The following NEMP2 variants were observed in gnomAD, a reference collection of about 807,000 sequenced individuals.
The protein encoded by NEMP2 is UPF0571 transmembrane protein.
Under a neutral mutation model 54.2 loss-of-function variants are expected in NEMP2, and 53 were observed. That is an observed-to-expected ratio of 0.98 (90% CI 0.78 to 1.23). The LOEUF (loss-of-function observed/expected upper bound fraction) is 1.23. Among genes scored for constraint, NEMP2 ranks in the 50% most tolerant of loss-of-function variants. NEMP2 has a pLI of 0.00. For missense variants in NEMP2, 455 were observed against 511.3 expected (o/e 0.89, Z 1.06); for synonymous variants, 197 against 190.3 (o/e 1.04, Z -0.29).
At chr2:190,496,218 C>A in the NEMP2 span, among the ~76,000 whole-genome samples, 8 of 151,262 alleles carry the variant, frequency 5.3e-5, no homozygotes, top group Admixed American at 2.0e-4. This position sits in a 1 kb window ranked among gnomAD's most constrained non-coding sequence, Gnocchi z 4.7. Flanking sequence ...AAATGGCCAA[C>A]AAACATGAAA....
the NEMP2 span, among the ~76,000 whole-genome samples, chr2:190,474,755 C>T: frequency 6.6e-6 from 1 of 152,150 alleles, no homozygotes; most frequent in Non-Finnish European, 1.5e-5. Context: ...CTGGCACAGA[C>T]ACAACCAAAA....
chr2:190,462,235 T>C, the NEMP2 span, among the ~76,000 whole-genome samples: 1 of 152,124 alleles, frequency 6.6e-6, no homozygotes, highest in Non-Finnish European at 1.5e-5. This position sits in a 1 kb window ranked among gnomAD's most constrained non-coding sequence, Gnocchi z 5.7. Context: ...TAACCATTGT[T>C]TTAAGAGATT....
chr2:190,471,481 C>T, the NEMP2 span, among the ~76,000 whole-genome samples: 1 of 152,202 alleles, frequency 6.6e-6, no homozygotes, highest in African/African-American at 2.4e-5. The surrounding 1 kb of genome is among the most constrained non-coding windows in gnomAD (Gnocchi z 4.7). Flanking sequence ...GCCCACGGAG[C>T]CTCCCTCATT....
At chr2:190,440,533 A>G in the NEMP2 span, among the ~76,000 whole-genome samples, 3 of 152,376 alleles carry the variant, frequency 2.0e-5, no homozygotes, top group Middle Eastern at 3.4e-3. Flanking sequence ...GTATCTTCAC[A>G]TTGCTTAACA....
chr2:190,462,219 A>G, the NEMP2 span, among the ~76,000 whole-genome samples: 1 of 152,176 alleles, frequency 6.6e-6, no homozygotes, highest in African/African-American at 2.4e-5. This position sits in a 1 kb window ranked among gnomAD's most constrained non-coding sequence, Gnocchi z 5.7. Context: ...AGAAATGGGA[A>G]CAGAATAACC....
At chr2:190,641,469 GAA>G in the NEMP2 span, 1 of 152,348 alleles carries the variant, frequency 6.6e-6, no homozygotes, top group East Asian at 1.9e-4. Flanking sequence ...AGACCTAGAG[GAA>G]GAGAGAAGCC....
chr2:190,633,853 C>T, the NEMP2 span, among the ~76,000 whole-genome samples: 46 of 152,206 alleles, frequency 3.0e-4, 1 homozygote, highest in South Asian at 7.1e-3. Context: ...GGAGGATCAC[C>T]TGAGGCCTGG....
chr2:190,597,758 T>C, the NEMP2 span, among the ~76,000 whole-genome samples: 8 of 152,240 alleles, frequency 5.3e-5, no homozygotes, highest in East Asian at 1.5e-3. This position sits in a 1 kb window ranked among gnomAD's most constrained non-coding sequence, Gnocchi z 4.7. Context: ...TCAGAACTTT[T>C]ATTTGAGGAG....
downstream of NEMP2, chr2:190,500,190 A>AG (rs758344580): frequency 6.2e-6 from 10 of 1,614,180 alleles, no homozygotes; most frequent in African/African-American, 4.0e-5. The surrounding 1 kb of genome is among the most constrained non-coding windows in gnomAD (Gnocchi z 5.3). Flanking sequence ...GAAGAGCAGC[A>AG]GGCTCAGCTG....
chr2:190,493,882 T>A, the NEMP2 span, among the ~76,000 whole-genome samples: 2 of 152,030 alleles, frequency 1.3e-5, no homozygotes, highest in African/African-American at 4.8e-5. Flanking sequence ...AGGGGAAAGG[T>A]CATAGCCTAA....
chr2:190,638,914 C>T, the NEMP2 span, among the ~76,000 whole-genome samples: 1 of 152,128 alleles, frequency 6.6e-6, no homozygotes, highest in Non-Finnish European at 1.5e-5. This position sits in a 1 kb window ranked among gnomAD's most constrained non-coding sequence, Gnocchi z 5.7. Context: ...AAACAAGGAC[C>T]GGAACAAACA....
At chr2:190,562,651 G>A in the NEMP2 span, among the ~76,000 whole-genome samples, 2 of 152,258 alleles carry the variant, frequency 1.3e-5, no homozygotes, top group East Asian at 3.9e-4. This position sits in a 1 kb window ranked among gnomAD's most constrained non-coding sequence, Gnocchi z 5.0. Context: ...ATGGGAAGAT[G>A]GTCTCTATGA....
the NEMP2 span, chr2:190,465,019 G>A: frequency 9.8e-6 from 6 of 610,034 alleles, no homozygotes; most frequent in Non-Finnish European, 1.2e-5. The surrounding 1 kb of genome is among the most constrained non-coding windows in gnomAD (Gnocchi z 4.6). Context: ...ATAATTCATT[G>A]TATCTATATC....
At chr2:190,643,856 T>C in the NEMP2 span, among the ~76,000 whole-genome samples, 1 of 151,964 alleles carries the variant, frequency 6.6e-6, no homozygotes, top group African/African-American at 2.4e-5. Flanking sequence ...GCCTGGGAGG[T>C]TGAGGCTGCA....
rs2125300431 is a variant in NEMP2, at chr2:190,508,705, G to GA, written c.*483dup. The GA allele has an allele frequency of 6.5e-6, 1 of 154,092 alleles. No individual in the cohort carries two copies. Among genetic ancestry groups the GA allele is most frequent in the African/African-American group, 2.4e-5 (1 of 41,548 alleles). The allele number at this position is 154,092 out of a possible 1,614,324, so 9.5% of individuals were successfully genotyped here. On this transcript the variant is annotated 3_prime_UTR_variant, in exon 9 of 9. Coordinates refer to ENST00000409150, the MANE Select transcript of NEMP2 (RefSeq NM_001142645.2). The surrounding 1 kb of genome is among the most constrained non-coding windows in gnomAD (Gnocchi z 4.3). ...TAGTTGACCTCAGAATACCTTTATT[G>GA]ACCAACACTTGGTAGTAGCCTGTGA... is the stretch of plus-strand genomic sequence containing the variant.
chr2:190,523,493 C>T lies in NEMP2; in HGVS notation c.213+1770G>A, dbSNP rs907747985. Among the ~76,000 whole-genome samples, 3 of 152,100 alleles carry T rather than the reference C, an allele frequency of 2.0e-5. No homozygotes were observed. Among genetic ancestry groups the T allele is most frequent in the Non-Finnish European group, 2.9e-5 (2 of 68,024 alleles). On this transcript the variant is annotated intron_variant, in intron 2 of 8. Coordinates refer to ENST00000409150, the MANE Select transcript of NEMP2 (RefSeq NM_001142645.2). The surrounding 1 kb of genome is among the most constrained non-coding windows in gnomAD (Gnocchi z 5.3). The stretch of plus-strand genomic sequence containing the variant: ...GTGGTATTGGAGATCTCAGAACTCA[C>T]GGTTTCTAATAGGTAGATATAGATG...
chr2:190,526,178 T>C (rs1218491735), intron 1 of NEMP2, among the ~76,000 whole-genome samples: 1 of 152,134 alleles, frequency 6.6e-6, no homozygotes, highest in African/African-American at 2.4e-5. Context: ...TCATTGGAAC[T>C]GGGAAGACAG....
At chr2:190,516,631 C>G (rs763240782) in intron 5 of NEMP2, among the ~76,000 whole-genome samples, 5 of 152,170 alleles carry the variant, frequency 3.3e-5, no homozygotes, top group Non-Finnish European at 7.4e-5. Flanking sequence ...TGCATTTCAA[C>G]AAGATTCCCA....
chr2:190,494,028 T>C, the NEMP2 span, among the ~76,000 whole-genome samples: 2 of 150,102 alleles, frequency 1.3e-5, no homozygotes, highest in Admixed American at 6.6e-5. The surrounding 1 kb of genome is among the most constrained non-coding windows in gnomAD (Gnocchi z 5.7). Flanking sequence ...CTAAATGAAA[T>C]TGAAGGAAAA....
Sources: gnomAD v4.1 joint callset for allele counts (sites outside exome capture counted in the v4.1 genomes callset) on GRCh38, gnomAD v4.1.1 for gene constraint, Gnocchi (gnomAD v3.1) non-coding constraint, MANE v1.5 for transcripts, NCBI Gene and HGNC (gene_info 2026-07-23, HGNC 2026-07-21) for gene names.